TCFL5: variants seen among roughly 807,000 people sequenced by gnomAD.
The protein encoded by TCFL5 is transcription factor-like 5 protein.
In TCFL5, 9 loss-of-function variants were observed where a neutral mutation model predicts 44.3. The observed-to-expected ratio is 0.20, with a 90% CI of 0.12 to 0.35. The LOEUF (loss-of-function observed/expected upper bound fraction) is 0.35, where lower values mean the gene tolerates loss of function less well. Ranked by LOEUF, TCFL5 falls within the 10% of genes least tolerant of loss-of-function variation. The pLI is 1.00. For synonymous variants in TCFL5, 319 were observed against 271.6 expected (o/e 1.17, Z -1.72); for missense variants, 603 against 613.4 (o/e 0.98, Z 0.18).
At chr20:62,854,320 C>T (rs912888458) in intron 4 of TCFL5, among the ~76,000 whole-genome samples, 163 bp from the exon 5 acceptor site, 13 of 152,244 alleles carry the variant, frequency 8.5e-5, no homozygotes, top group Non-Finnish European at 1.5e-4. Flanking sequence ...GGCTTTGCCA[C>T]GGCCTTGTCT....
rs2063683395 is a variant in TCFL5 at position 62,841,871 on chromosome 20, CT to C, written c.*103del. On this transcript the variant is annotated 3_prime_UTR_variant, in exon 6 of 6. Transcript: ENST00000335351. ...GAGTCCCGTCAGCTTGAGTCACGCC[CT>C]TTTCGAGTCAGACTAGCCGAGCAGA... 4.0e-6 allele frequency: 6 copies of C among 1,502,498 alleles called. No individual in the cohort carries two copies. Among genetic ancestry groups the C allele is most frequent in the Admixed American group, 2.2e-5 (1 of 46,182 alleles). 93.1% of individuals were successfully genotyped at this position (1,502,498 alleles called of 1,614,324 possible). A position where few individuals can be genotyped will look rare whatever the true frequency, so the allele number is the denominator to read the frequency against.
At position 62,861,688 on chromosome 20, in the gene TCFL5, C is replaced by A; in HGVS notation, c.-18G>T. On this transcript the variant is annotated 5_prime_UTR_variant, in exon 1 of 6. Transcript: ENST00000335351. This position sits in a 1 kb window ranked among gnomAD's most constrained non-coding sequence, Gnocchi z 4.0. Reference sequence around the variant, plus strand: ...CCCGACATGGCGGCGCGGCGCGGCCCAACGGCGGCGAGGGCGACGCGGGCG... The same window carrying A: ...CCCGACATGGCGGCGCGGCGCGGCCAAACGGCGGCGAGGGCGACGCGGGCG... The A allele has an allele frequency of 2.9e-6, 1 of 342,816 alleles. No individual in the cohort carries two copies. Among genetic ancestry groups the A allele is most frequent in the Non-Finnish European group, 4.1e-6 (1 of 246,044 alleles). 21.2% of individuals were successfully genotyped at this position (342,816 alleles called of 1,614,324 possible).
intron 5 of TCFL5, among the ~76,000 whole-genome samples, chr20:62,843,789 TTC>T (rs760300613): frequency 2.0e-5 from 3 of 152,290 alleles, no homozygotes; most frequent in East Asian, 1.9e-4. Context: ...CCAGTCCACT[TTC>T]TGTCTCTCTG....
intron 5 of TCFL5, chr20:62,851,384 T>C (rs2063807381): frequency 6.1e-6 from 2 of 329,142 alleles, no homozygotes; most frequent in South Asian, 2.5e-4. Flanking sequence ...TGACTATACA[T>C]ACAATTAACA....
rs1189365416 is a variant in TCFL5 at position 62,859,539 on chromosome 20, G to A, written c.832-13C>T. 1 of 1,602,230 alleles carries A rather than the reference G, an allele frequency of 6.2e-7. No individual in the cohort carries two copies. The highest frequency in any genetic ancestry group is 1.8e-5 in the Admixed American group (1 of 55,768). ...AGTTACTAGAACTCTGGAAAAAAAT[G>A]AAGCAACAGGAATTTTATCAATATG... On this transcript the variant is annotated splice_polypyrimidine_tract_variant and intron_variant, in intron 2 of 5. Transcript: ENST00000335351.
Position 62,861,240 on chromosome 20 carries a change from G to A in TCFL5, c.431C>T (p.Ser144Leu). ...GGCCCTCGCTCCGTCCCCGCCGCCC[G>A]ACGTCTTCTCCGCCGCGCCCGCCTC... ...LSEAGAAEKT[S>L]GGGDGARARA... Residue 144 changes from serine to leucine, a missense_variant, in exon 1 of 6, where the codon TCG becomes TTG. Physicochemically the swap from Ser to Leu is moderately radical, Grantham distance 145. Coordinates refer to ENST00000335351, the MANE Select transcript of TCFL5 (RefSeq NM_006602.4). This position sits in a 1 kb window ranked among gnomAD's most constrained non-coding sequence, Gnocchi z 4.0. 4 of 1,179,810 alleles carry A rather than the reference G, an allele frequency of 3.4e-6. No homozygotes were observed. The highest frequency in any genetic ancestry group is 1.7e-5 in the South Asian group (1 of 57,176). The allele number at this position is 1,179,810 out of a possible 1,614,324, so 73.1% of individuals were successfully genotyped here.
At chr20:62,856,872 C>T (rs1329313141) in intron 4 of TCFL5, among the ~76,000 whole-genome samples, 2 of 152,120 alleles carry the variant, frequency 1.3e-5, no homozygotes, top group Non-Finnish European at 2.9e-5. Flanking sequence ...AAGAGTGCCC[C>T]CAGAACCTAC....
chr20:62,845,227 T>C (rs2063725656), intron 5 of TCFL5: 5 of 841,742 alleles, frequency 5.9e-6, no homozygotes, highest in South Asian at 9.8e-5. Flanking sequence ...GTTCAACTGA[T>C]TCTCCCACCT....
At position 62,857,122 on chromosome 20, in the gene TCFL5, C is replaced by T. The variant is rs75180072; in HGVS notation, c.1238+273G>A. Among the ~76,000 whole-genome samples, 1,099 of 152,324 alleles carry T rather than the reference C, an allele frequency of 7.2e-3. 17 individuals are homozygous for T. Among genetic ancestry groups the T allele is most frequent in the African/African-American group, 0.025 (1,054 of 41,570 alleles). The stretch of plus-strand genomic sequence containing the variant: ...CACCTCAGCTCCTGCCTTCTCCCCA[C>T]GCGCCTTTGCTGATCGCACCTGGCA... On this transcript the variant is annotated intron_variant, in intron 4 of 5. Coordinates refer to ENST00000335351, the MANE Select transcript of TCFL5 (RefSeq NM_006602.4).
chr20:62,847,181 CA>C (rs11351521), intron 5 of TCFL5, among the ~76,000 whole-genome samples: 9,465 of 100,188 alleles, frequency 0.094, 271 homozygotes, highest in East Asian at 0.23. Context: ...AACTTCATCT[CA>C]AAAAAAAAAA....
At chr20:62,844,180 C>T (rs1453011153) in intron 5 of TCFL5, among the ~76,000 whole-genome samples, 2 of 152,214 alleles carry the variant, frequency 1.3e-5, no homozygotes, top group African/African-American at 4.8e-5. Context: ...ATTTCACACC[C>T]CCAGCGGCAA....
intron 3 of TCFL5, 102 bp downstream of exon 3, chr20:62,859,262 T>C: frequency 8.7e-7 from 1 of 1,150,806 alleles, no homozygotes; most frequent in Non-Finnish European, 1.2e-6. Flanking sequence ...GTTTCACATG[T>C]GTACAAACCA....
intron 5 of TCFL5, chr20:62,852,027 A>G: frequency 1.0e-6 from 1 of 966,806 alleles, no homozygotes; most frequent in African/African-American, 1.8e-5. Context: ...GCTGGTCTCG[A>G]ACTCCTGGCC....
At chr20:62,847,928 C>A (rs1284080049) in intron 5 of TCFL5, among the ~76,000 whole-genome samples, 1 of 152,194 alleles carries the variant, frequency 6.6e-6, no homozygotes, top group Non-Finnish European at 1.5e-5. Flanking sequence ...GGGAATGGAT[C>A]CAAGAGAGGA....
At chr20:62,858,563 A>G (rs2063932156) in intron 3 of TCFL5, among the ~76,000 whole-genome samples, 1 of 152,246 alleles carries the variant, frequency 6.6e-6, no homozygotes, top group Non-Finnish European at 1.5e-5. Flanking sequence ...CAACTCTTGG[A>G]AAGCTAAGTG....
chr20:62,842,412 G>A lies in TCFL5; in HGVS notation c.1381-315C>T, dbSNP rs2063689684. Among the ~76,000 whole-genome samples the A allele has an allele frequency of 6.6e-6, 1 of 152,138 alleles. No individual in the cohort carries two copies. Among genetic ancestry groups the A allele is most frequent in the African/African-American group, 2.4e-5 (1 of 41,418 alleles). ...ACATGAACGTTTCAACCGCTAATGG[G>A]CCCTAGCTAATAAACCTGTAAACCC... On this transcript the variant is annotated intron_variant, in intron 5 of 5. Transcript: ENST00000335351. This position sits in a 1 kb window ranked among gnomAD's most constrained non-coding sequence, Gnocchi z 4.3.
At position 62,844,756 on chromosome 20, in the gene TCFL5, C is replaced by T. The variant is rs571109533; in HGVS notation, c.1381-2659G>A. 5.9e-4 allele frequency: 265 copies of T among 445,498 alleles called. 1 individual carries two copies. Among genetic ancestry groups the T allele is most frequent in the African/African-American group, 4.3e-3 (199 of 46,704 alleles). The allele number at this position is 445,498 out of a possible 1,614,324, so 27.6% of individuals were successfully genotyped here. ...GATTACAGGCACCTGCCACCACACC[C>T]GGCTAATTTTTGTTTTTTTAGTAGA... On this transcript the variant is annotated intron_variant, in intron 5 of 5. Transcript: ENST00000335351.
In TCFL5 at chr20:62,849,532, G is replaced by A. The variant is rs531795106; in HGVS notation, c.1380+4484C>T. Among the ~76,000 whole-genome samples, 3 of 152,002 alleles carry A rather than the reference G, an allele frequency of 2.0e-5. No homozygotes were observed. In the South Asian group the frequency reaches 6.2e-4, roughly 32 times the overall value. ...TGCAGTGCATAATCCATGGCTGGGT[G>A]CTGGACTGTGGAAAAAAACAGCTAT... On this transcript the variant is annotated intron_variant, in intron 5 of 5. Transcript: ENST00000335351.
chr20:62,845,030 T>C, intron 5 of TCFL5: 1 of 986,258 alleles, frequency 1.0e-6, no homozygotes, highest in Non-Finnish European at 1.2e-6. Context: ...CATCCACTTT[T>C]AAGCAACTTT....
Sources: gnomAD v4.1 joint callset for allele counts (sites outside exome capture counted in the v4.1 genomes callset) on GRCh38, gnomAD v4.1.1 for gene constraint, Gnocchi (gnomAD v3.1) non-coding constraint, MANE v1.5 for transcripts, NCBI Gene and HGNC (gene_info 2026-07-23, HGNC 2026-07-21) for gene names.